LHFPL3: variants seen among roughly 807,000 people sequenced by gnomAD.
LHFPL3 encodes the protein LHFPL tetraspan subfamily member 3 protein.
LHFPL3 carries 5 observed loss-of-function variants against 19.3 expected under a neutral mutation model. That is an observed-to-expected ratio of 0.26 (90% confidence interval 0.14 to 0.54). The LOEUF is 0.54. Among genes scored for constraint, LHFPL3 ranks in the 20% least tolerant of loss-of-function variants. The pLI, the probability that LHFPL3 is intolerant of heterozygous loss-of-function variation, is 0.94. For missense variants in LHFPL3, 249 were observed against 307.4 expected (o/e 0.81, Z 1.42); for synonymous variants, 133 against 126.2 (o/e 1.05, Z -0.36).
intron 1 of LHFPL3, among the ~76,000 whole-genome samples, chr7:104,511,912 A>G (rs1332454799): frequency 2.7e-5 from 4 of 150,346 alleles, no homozygotes; most frequent in African/African-American, 9.8e-5. Context: ...ACTGGTTCTA[A>G]CGTTCTAATA....
rs1435281857 is a variant in LHFPL3 at position 104,869,301 on chromosome 7, G to C, written c.683-36886G>C. 9.2e-5 allele frequency among the ~76,000 whole-genome samples: 14 copies of C among 152,218 alleles called. No homozygotes were observed. In the East Asian group the frequency reaches 2.1e-3, roughly 23 times the overall value. ...AGAAACTACCATCAGGGTAAACAGG[G>C]AACCTACAGAATGGGAGAAAATTTT... On this transcript the variant is annotated intron_variant, in intron 2 of 2. Transcript: ENST00000424859.
chr7:104,487,100 T>C (rs1793250440), intron 1 of LHFPL3, among the ~76,000 whole-genome samples: 2 of 152,188 alleles, frequency 1.3e-5, no homozygotes, highest in Admixed American at 1.3e-4. Context: ...TTTTCATGTC[T>C]GTAATGGTTT....
chr7:104,596,281 A>T (rs930489644), intron 1 of LHFPL3, among the ~76,000 whole-genome samples: 3 of 152,248 alleles, frequency 2.0e-5, no homozygotes, highest in Non-Finnish European at 4.4e-5. Flanking sequence ...AAAGGCAGCA[A>T]TGAAGAGCTT....
intron 2 of LHFPL3, among the ~76,000 whole-genome samples, chr7:104,776,559 CAGGTCTGG>C (rs559112726): frequency 6.6e-5 from 10 of 152,206 alleles, no homozygotes; most frequent in Non-Finnish European, 1.5e-4. Flanking sequence ...TCTGATTCTG[CAGGTCTGG>C]AGGTGAGGCC....
chr7:104,561,568 A>G (rs2115949743), intron 1 of LHFPL3, among the ~76,000 whole-genome samples: 1 of 151,944 alleles, frequency 6.6e-6, no homozygotes, highest in East Asian at 1.9e-4. Flanking sequence ...TTTTGAGCCT[A>G]TGTGTGTCTC....
At chr7:104,834,949 T>G (rs1791063559) in intron 2 of LHFPL3, among the ~76,000 whole-genome samples, 1 of 151,980 alleles carries the variant, frequency 6.6e-6, no homozygotes, top group Non-Finnish European at 1.5e-5. Flanking sequence ...CTGATTTATA[T>G]TCATTAAACA....
rs949152458 is a variant in LHFPL3, at chr7:104,362,318, C to T, written c.445+33094C>T. Among the ~76,000 whole-genome samples, 7 of 152,032 alleles carry T rather than the reference C, an allele frequency of 4.6e-5. No homozygotes were observed. In the South Asian group the frequency reaches 8.3e-4, roughly 18 times the overall value. The stretch of plus-strand genomic sequence containing the variant: ...GCGCTGTGTGGAATAAGCCTCAGAC[C>T]GTCCTTCTGAAGGAGGCTGGAATTA... On this transcript the variant is annotated intron_variant, in intron 1 of 2. Transcript: ENST00000424859.
At chr7:104,335,820 G>A (rs1789796747) in intron 1 of LHFPL3, among the ~76,000 whole-genome samples, 1 of 144,918 alleles carries the variant, frequency 6.9e-6, no homozygotes, top group Non-Finnish European at 1.5e-5. Context: ...TGCACTGTAT[G>A]TACATACCTC....
chr7:104,430,842 C>A (rs145382734), intron 1 of LHFPL3, among the ~76,000 whole-genome samples: 1 of 152,008 alleles, frequency 6.6e-6, no homozygotes, highest in Admixed American at 6.6e-5. Context: ...CCCTCCTCCA[C>A]CCCATCTTTG....
At chr7:104,577,724 G>A (rs1234865986) in intron 1 of LHFPL3, among the ~76,000 whole-genome samples, 1 of 152,140 alleles carries the variant, frequency 6.6e-6, no homozygotes, top group Admixed American at 6.5e-5. Context: ...GGCAGGAGAT[G>A]GATTTTATTC....
In LHFPL3 at chr7:104,853,222, G is replaced by A. The variant is rs566471166; in HGVS notation, c.683-52965G>A. On this transcript the variant is annotated intron_variant, in intron 2 of 2. Transcript: ENST00000424859. ...TGGGGTCATTTGTCTGCCCTGGGTT[G>A]GGAATACCACCAGTGAGAAGGGGAG... is the stretch of plus-strand genomic sequence containing the variant. Among the ~76,000 whole-genome samples the A allele has an allele frequency of 3.9e-5, 6 of 152,328 alleles. No individual in the cohort carries two copies. In the East Asian group the frequency reaches 1.2e-3, roughly 29 times the overall value.
At chr7:104,694,657 T>C (rs1792965300) in intron 1 of LHFPL3, among the ~76,000 whole-genome samples, 2 of 151,990 alleles carry the variant, frequency 1.3e-5, no homozygotes, top group African/African-American at 4.8e-5. Flanking sequence ...GAAAAGAAAA[T>C]AGTTTGTCAA....
At chr7:104,798,025 T>TGG (rs71519187) in intron 2 of LHFPL3, among the ~76,000 whole-genome samples, 34 of 150,864 alleles carry the variant, frequency 2.3e-4, no homozygotes, top group South Asian at 1.5e-3. Flanking sequence ...GGGGTGGCAG[T>TGG]GGGGGGGGCG....
chr7:104,741,275 T>C (rs891277569), intron 2 of LHFPL3, among the ~76,000 whole-genome samples: 3 of 152,072 alleles, frequency 2.0e-5, no homozygotes, highest in Admixed American at 1.3e-4. Context: ...TTATCATAAA[T>C]TGTAAAGTGG....
chr7:104,552,324 C>T (rs1322326302), intron 1 of LHFPL3, among the ~76,000 whole-genome samples: 5 of 152,164 alleles, frequency 3.3e-5, no homozygotes, highest in Admixed American at 6.5e-5. Flanking sequence ...TCAACGTGAG[C>T]AGGAATGTAG....
At chr7:104,613,937 A>G (rs1031573777) in intron 1 of LHFPL3, among the ~76,000 whole-genome samples, 2 of 152,126 alleles carry the variant, frequency 1.3e-5, no homozygotes, top group Admixed American at 6.5e-5. Flanking sequence ...ATGTTTGCCA[A>G]TTAGCACATA....
At chr7:104,887,624 C>T (rs567087659) in intron 2 of LHFPL3, among the ~76,000 whole-genome samples, 7 of 152,174 alleles carry the variant, frequency 4.6e-5, no homozygotes, top group Non-Finnish European at 8.8e-5. Flanking sequence ...AGCAAAAAGA[C>T]GCAGAGGCTG....
chr7:104,766,268 G>C (rs1269523332), intron 2 of LHFPL3, among the ~76,000 whole-genome samples: 1 of 152,172 alleles, frequency 6.6e-6, no homozygotes, highest in African/African-American at 2.4e-5. Context: ...ATTGACTTGA[G>C]AGTCTGAATG....
chr7:104,684,718 G>A (rs1297142129), intron 1 of LHFPL3, among the ~76,000 whole-genome samples: 1 of 152,170 alleles, frequency 6.6e-6, no homozygotes, highest in African/African-American at 2.4e-5. Flanking sequence ...GCAGAGGCTG[G>A]AGCCCAGGCC....
Sources: allele counts gnomAD v4.1 joint callset (sites outside exome capture counted in the v4.1 genomes callset), GRCh38; gene constraint gnomAD v4.1.1; transcripts MANE v1.5; gene names NCBI Gene and HGNC (gene_info 2026-07-23, HGNC 2026-07-21).